Variants in PRELID2 observed in about 807,000 individuals in gnomAD.
PRELID2 encodes the protein PRELI domain-containing protein 2.
A neutral mutation model predicts 28.4 loss-of-function variants in PRELID2; 25 were observed. The ratio of observed to expected loss-of-function variants is 0.88; its 90% CI spans 0.64 to 1.23. The LOEUF (loss-of-function observed/expected upper bound fraction) is 1.23. Among genes scored for constraint, PRELID2 ranks in the 50% most tolerant of loss-of-function variants. PRELID2 has a pLI of 0.00. For synonymous variants in PRELID2, 76 were observed against 71.6 expected, an observed-to-expected ratio of 1.06 and a Z score of -0.31; for missense variants, 201 against 214.4, an observed-to-expected ratio of 0.94 and a Z score of 0.39.
At chr5:145,642,960 G>A (rs183157769) in intron 1 of PRELID2, among the ~76,000 whole-genome samples, 2 of 152,158 alleles carry the variant, frequency 1.3e-5, no homozygotes, top group Non-Finnish European at 2.9e-5. Context: ...GATGCCTCCA[G>A]CTTTGTTCTT....
rs1336603545 is a variant in PRELID2, at chr5:145,747,222, TA to T, written n.70+17708del. Among the ~76,000 whole-genome samples, 438 of 103,952 alleles carry T rather than the reference TA, an allele frequency of 4.2e-3. 2 individuals carry two copies. Among genetic ancestry groups the T allele is most frequent in the East Asian group, 0.013 (49 of 3,766 alleles). 68.2% of individuals were successfully genotyped at this position (103,952 alleles called of 152,430 possible). On this transcript the variant is annotated intron_variant and non_coding_transcript_variant, in intron 1 of 2. Transcript: ENST00000510259. Reference sequence around the variant, plus strand: ...GAAGATAGAGACATCAAAAACCCTCTAAAAAAAAAAATCGATGACTCCAGGA... The same window carrying T: ...GAAGATAGAGACATCAAAAACCCTCTAAAAAAAAAATCGATGACTCCAGGA...
chr5:145,230,964 A>G, the PRELID2 span, among the ~76,000 whole-genome samples: 220 of 152,348 alleles, frequency 1.4e-3, no homozygotes, highest in African/African-American at 5.1e-3. Flanking sequence ...AGAGATAACA[A>G]GGAGAAAGCC....
intron 5 of PRELID2, among the ~76,000 whole-genome samples, chr5:145,776,195 G>A (rs536655719): frequency 1.3e-5 from 2 of 152,164 alleles, no homozygotes; most frequent in Admixed American, 6.5e-5. Flanking sequence ...ATTCTGAGAC[G>A]TGTGATGAAA....
chr5:145,638,542 C>G (rs186450654), intron 1 of PRELID2, among the ~76,000 whole-genome samples: 37 of 152,256 alleles, frequency 2.4e-4, no homozygotes, highest in Non-Finnish European at 4.4e-5. Flanking sequence ...AGAGCATAAG[C>G]CATGTCTCTC....
intron 1 of PRELID2, among the ~76,000 whole-genome samples, chr5:145,744,552 T>C (rs999460139): frequency 1.3e-5 from 2 of 152,038 alleles, no homozygotes. Context: ...CCAGGCGCGG[T>C]AGTGAACCAG....
At chr5:145,610,991 AAATT>A (rs1234397331) in intron 1 of PRELID2, among the ~76,000 whole-genome samples, 8 of 148,148 alleles carry the variant, frequency 5.4e-5, no homozygotes, top group South Asian at 2.1e-4. Flanking sequence ...TATAATATAT[AAATT>A]AATATATAAT....
the PRELID2 span, among the ~76,000 whole-genome samples, chr5:145,292,005 T>C: frequency 6.6e-6 from 1 of 152,164 alleles, no homozygotes; most frequent in Non-Finnish European, 1.5e-5. Context: ...TCCATTAAAG[T>C]CCTTTCATAA....
At chr5:145,682,897 A>C (rs1437076830) in intron 1 of PRELID2, among the ~76,000 whole-genome samples, 4 of 152,214 alleles carry the variant, frequency 2.6e-5, no homozygotes, top group Non-Finnish European at 5.9e-5. Flanking sequence ...TTCCAAAACT[A>C]ACATCATCTT....
chr5:145,348,926 G>T, the PRELID2 span, among the ~76,000 whole-genome samples: 2 of 152,210 alleles, frequency 1.3e-5, no homozygotes, highest in East Asian at 3.9e-4. Context: ...GACTATATAT[G>T]CAATGTTGAT....
the PRELID2 span, among the ~76,000 whole-genome samples, chr5:145,373,360 T>C: frequency 0.013 from 831 of 63,702 alleles, 38 homozygotes; most frequent in African/African-American, 0.043. Flanking sequence ...ATATAATATA[T>C]ATGATATTAT....
chr5:145,738,549 T>G (rs1308568559), intron 1 of PRELID2, among the ~76,000 whole-genome samples: 6 of 151,766 alleles, frequency 4.0e-5, no homozygotes, highest in African/African-American at 1.5e-4. Flanking sequence ...TTTTTAAAAA[T>G]GCAAGAGATG....
intron 4 of PRELID2, among the ~76,000 whole-genome samples, chr5:145,816,990 T>C (rs1754347169): frequency 6.6e-6 from 1 of 151,376 alleles, no homozygotes; most frequent in South Asian, 2.1e-4. Context: ...TGAGACCCCG[T>C]ATCTACGAAA....
chr5:145,587,567 T>C (rs1231825749), intron 1 of PRELID2, among the ~76,000 whole-genome samples: 1 of 152,178 alleles, frequency 6.6e-6, no homozygotes, highest in African/African-American at 2.4e-5. Context: ...CTAGTCCTAA[T>C]GATGTTTACA....
the PRELID2 span, among the ~76,000 whole-genome samples, chr5:145,401,387 C>A: frequency 6.6e-6 from 1 of 152,018 alleles, no homozygotes; most frequent in Non-Finnish European, 1.5e-5. Flanking sequence ...GAAGAACTTC[C>A]TCTGCAGTAT....
chr5:145,514,318 C>CAAAAAAAAAAAAAAAAAAAAAAAAA (rs55760860), intron 1 of PRELID2, among the ~76,000 whole-genome samples: 11 of 67,482 alleles, frequency 1.6e-4, no homozygotes, highest in African/African-American at 4.0e-4. Flanking sequence ...AAATGGAAAG[C>CAAAAAAAAAAAAAAAAAAAAAAAAA]AAAAAAAAAA....
chr5:145,425,524 GACTGAATACACAAAGTGTGGTAA>G, the PRELID2 span, among the ~76,000 whole-genome samples: 1 of 152,142 alleles, frequency 6.6e-6, no homozygotes, highest in Non-Finnish European at 1.5e-5. Flanking sequence ...ATCAATGATA[GACTGAATACACAAAGTGTGGTAA>G]ACATACACCA....
the PRELID2 span, among the ~76,000 whole-genome samples, chr5:145,287,932 GT>G: frequency 6.6e-6 from 1 of 152,146 alleles, no homozygotes; most frequent in Non-Finnish European, 1.5e-5. Context: ...GTAGTCACGT[GT>G]TTTGTAGACT....
At chr5:145,236,457 G>A in the PRELID2 span, among the ~76,000 whole-genome samples, 1 of 152,108 alleles carries the variant, frequency 6.6e-6, no homozygotes. Context: ...GCAAAGGGCT[G>A]CCCCCACAGA....
chr5:145,237,133 T>C, the PRELID2 span, among the ~76,000 whole-genome samples: 1 of 152,126 alleles, frequency 6.6e-6, no homozygotes, highest in Admixed American at 6.6e-5. Flanking sequence ...TTGGGTCTGC[T>C]CCTTGAGCCT....
Sources: gnomAD v4.1 joint callset for allele counts (sites outside exome capture counted in the v4.1 genomes callset) on GRCh38, gnomAD v4.1.1 for gene constraint, MANE v1.5 for transcripts, NCBI Gene and HGNC (gene_info 2026-07-23, HGNC 2026-07-21) for gene names.